The following VPS41 variants were observed in gnomAD, a reference collection of about 807,000 sequenced individuals.
VPS41 encodes VPS41 subunit of HOPS complex.
In VPS41, 85 loss-of-function variants were observed where a neutral mutation model predicts 130.9. That is an observed-to-expected ratio of 0.65 (90% confidence interval 0.55 to 0.78). The LOEUF (loss-of-function observed/expected upper bound fraction) is 0.78, where lower values mean the gene tolerates loss of function less well. VPS41 is among the 30% of genes least tolerant of loss of function. The probability of loss-of-function intolerance (pLI) is 0.00; values close to 1 mark genes in which losing one functional copy is unlikely to be tolerated. For synonymous variants in VPS41, 335 were observed against 332.9 expected (o/e 1.01, Z -0.07); for missense variants, 874 against 1,018.7 (o/e 0.86, Z 1.93).
intron 4 of VPS41, among the ~76,000 whole-genome samples, 173 bp from the exon 5 acceptor site, chr7:38,830,501 C>T (rs565216583): frequency 2.6e-5 from 4 of 152,300 alleles, no homozygotes; most frequent in Non-Finnish European, 4.4e-5. Context: ...AGTAAGCCTA[C>T]GGCAGCTACA....
At chr7:38,843,981 T>C (rs1160052764) in intron 4 of VPS41, among the ~76,000 whole-genome samples, 1 of 152,256 alleles carries the variant, frequency 6.6e-6, no homozygotes, top group East Asian at 1.9e-4. Context: ...ACTATATATT[T>C]ATACTTTTAA....
At chr7:38,905,409 G>A (rs1584456916) in intron 1 of VPS41, among the ~76,000 whole-genome samples, 1 of 152,184 alleles carries the variant, frequency 6.6e-6, no homozygotes, top group African/African-American at 2.4e-5. Context: ...CATTTTTTCT[G>A]TAAACTATAA....
chr7:38,774,370 TA>T, intron 11 of VPS41, 126 bp from the exon 12 acceptor site: 1 of 847,574 alleles, frequency 1.2e-6, no homozygotes, highest in Non-Finnish European at 1.6e-6. Flanking sequence ...CAAGACTGGG[TA>T]ATTTATAAAG....
chr7:38,726,671 C>T (rs537050107), intron 28 of VPS41, among the ~76,000 whole-genome samples: 4 of 152,230 alleles, frequency 2.6e-5, no homozygotes, highest in Non-Finnish European at 4.4e-5. Flanking sequence ...CAGCTGTCAA[C>T]TGGGCCTGAA....
intron 1 of VPS41, among the ~76,000 whole-genome samples, chr7:38,904,783 T>A (rs1787221621): frequency 6.6e-6 from 1 of 152,122 alleles, no homozygotes; most frequent in Admixed American, 6.5e-5. Flanking sequence ...CCATAAGTGA[T>A]CTACAATAAG....
intron 6 of VPS41, among the ~76,000 whole-genome samples, chr7:38,818,295 T>A (rs552585810): frequency 2.0e-5 from 3 of 149,606 alleles, no homozygotes; most frequent in Admixed American, 2.0e-4. Flanking sequence ...TTGTCCAAGA[T>A]GACTCTCAAT....
intron 1 of VPS41, among the ~76,000 whole-genome samples, chr7:38,900,135 C>T (rs1272462862): frequency 6.6e-6 from 1 of 152,054 alleles, no homozygotes; most frequent in Non-Finnish European, 1.5e-5. Context: ...CCTGTAGTCC[C>T]AGCTACTTGG....
At chr7:38,855,138 C>T (rs935526097) in intron 4 of VPS41, among the ~76,000 whole-genome samples, 4 of 134,318 alleles carry the variant, frequency 3.0e-5, no homozygotes, top group African/African-American at 5.6e-5. Context: ...TGAACCTGGG[C>T]GGCGGAGGTT....
intron 4 of VPS41, among the ~76,000 whole-genome samples, chr7:38,852,957 G>C (rs1480164932): frequency 1.3e-5 from 2 of 151,944 alleles, no homozygotes; most frequent in African/African-American, 4.8e-5. Context: ...TTTTTCCTTT[G>C]GTCCTTTGGC....
At chr7:38,816,969 C>T (rs1417020400) in intron 7 of VPS41, among the ~76,000 whole-genome samples, 3 of 152,066 alleles carry the variant, frequency 2.0e-5, no homozygotes, top group Non-Finnish European at 2.9e-5. Flanking sequence ...TTCAAACTCC[C>T]AGCCTCAAGT....
In VPS41 at chr7:38,743,535, C is replaced by G; in HGVS notation, c.1989G>C (p.Met663Ile). The G allele has an allele frequency of 6.2e-7, 1 of 1,613,648 alleles. No homozygotes were observed. The highest frequency in any genetic ancestry group is 1.1e-5 in the South Asian group (1 of 91,010). The change falls in exon 24 of 29, where the codon ATG (methionine) becomes ATC (isoleucine). Residue 663 changes from methionine to isoleucine, a missense_variant. By Grantham distance (10) the Met-to-Ile change is conservative (BLOSUM62 1). Transcript: ENST00000310301. ...TCTTCAGGGCACTTCGGCTATTACC[C>G]ATTCGGCCTTGGTGGGGTGAAGATG... ...VEETVYLLSR[M>I]GNSRSALKMI...
chr7:38,779,823 A>T (rs1457877207), intron 10 of VPS41, among the ~76,000 whole-genome samples: 1 of 152,240 alleles, frequency 6.6e-6, no homozygotes, highest in African/African-American at 2.4e-5. Context: ...TCTTGTAAAA[A>T]ATGCACATAA....
At chr7:38,876,776 T>C (rs1280619405) in intron 2 of VPS41, among the ~76,000 whole-genome samples, 2 of 152,066 alleles carry the variant, frequency 1.3e-5, no homozygotes, top group Admixed American at 6.6e-5. Flanking sequence ...TAAACCCTGG[T>C]CTCTCCTGTG....
chr7:38,728,797 G>A lies in VPS41; in HGVS notation c.2260-6C>T, dbSNP rs1795600526. ...CAGCCTTCACGAAGCAGAATCTAAT[G>A]CATACATTTTAAAAGAAAAGCCATC... On this transcript the variant is annotated splice_polypyrimidine_tract_variant and splice_region_variant and intron_variant, in intron 25 of 28. Transcript: ENST00000310301. The A allele has an allele frequency of 1.9e-6, 3 of 1,613,156 alleles. No homozygotes were observed. Among genetic ancestry groups the A allele is most frequent in the Non-Finnish European group, 2.5e-6 (3 of 1,179,222 alleles).
chr7:38,796,878 G>C lies in VPS41; in HGVS notation c.451-14C>G, dbSNP rs1196390581. ...AAACAGTAGCAGCTAGGGACAAAAA[G>C]CATAAACAAAGAATCTTAGAAACTG... On this transcript the variant is annotated splice_polypyrimidine_tract_variant and intron_variant, in intron 7 of 28. Transcript: ENST00000310301. 6.8e-6 allele frequency: 11 copies of C among 1,613,526 alleles called. No individual in the cohort carries two copies. In the East Asian group the frequency reaches 2.2e-4, roughly 33 times the overall value.
chr7:38,798,993 C>A (rs1321279925), intron 7 of VPS41, among the ~76,000 whole-genome samples: 1 of 151,962 alleles, frequency 6.6e-6, no homozygotes, highest in Non-Finnish European at 1.5e-5. Flanking sequence ...GCCACAACAC[C>A]CCCTACACTC....
At chr7:38,811,584 C>T (rs929306456) in intron 7 of VPS41, among the ~76,000 whole-genome samples, 3 of 149,920 alleles carry the variant, frequency 2.0e-5, no homozygotes, top group Non-Finnish European at 4.4e-5. Flanking sequence ...TTTTAAAAGA[C>T]TTGTTTTGTC....
chr7:38,772,741 A>C, intron 12 of VPS41, 104 bp from the exon 13 acceptor site: 1 of 648,976 alleles, frequency 1.5e-6, no homozygotes. Flanking sequence ...GAGCGAACAG[A>C]AAATGTGTCT....
intron 3 of VPS41, among the ~76,000 whole-genome samples, chr7:38,865,854 G>T (rs769250290): frequency 6.6e-6 from 1 of 152,168 alleles, no homozygotes; most frequent in Non-Finnish European, 1.5e-5. Context: ...TGAAAGGCAG[G>T]AAAGTAGAGG....
Sources: gnomAD v4.1 joint callset for allele counts (sites outside exome capture counted in the v4.1 genomes callset) on GRCh38, gnomAD v4.1.1 for gene constraint, MANE v1.5 for transcripts, NCBI Gene and HGNC (gene_info 2026-07-23, HGNC 2026-07-21) for gene names.